PKP4: variants seen among roughly 807,000 people sequenced by gnomAD.
PKP4 encodes the protein plakophilin 4.
In PKP4, 90 loss-of-function variants were observed where a neutral mutation model predicts 145.1. That is an observed-to-expected ratio of 0.62 (90% confidence interval 0.52 to 0.74). PKP4 has a LOEUF of 0.74. Among genes scored for constraint, PKP4 ranks in the 30% least tolerant of loss-of-function variants. PKP4 has a pLI of 0.00. For synonymous variants in PKP4, 563 were observed against 577.2 expected (o/e 0.98, Z 0.35); for missense variants, 1,340 against 1,482.7 (o/e 0.90, Z 1.58).
intron 4 of PKP4, among the ~76,000 whole-genome samples, chr2:158,604,873 G>A (rs1420853211): frequency 6.6e-6 from 1 of 152,222 alleles, no homozygotes; most frequent in Non-Finnish European, 1.5e-5. Context: ...GTGGGCCAGA[G>A]TGCTGTGGAT....
At chr2:158,571,832 C>A (rs1405194217) in intron 2 of PKP4, among the ~76,000 whole-genome samples, 1 of 152,122 alleles carries the variant, frequency 6.6e-6, no homozygotes, top group East Asian at 1.9e-4. Flanking sequence ...GTTCAAGGGA[C>A]TGAGCCTTGA....
intron 1 of PKP4, among the ~76,000 whole-genome samples, chr2:158,518,120 G>A (rs567142784): frequency 6.5e-4 from 99 of 152,258 alleles, no homozygotes; most frequent in Middle Eastern, 3.4e-3. Context: ...AGGTTCTTCT[G>A]GTCTGGCCTA....
chr2:158,587,894 T>A (rs1355660306), intron 3 of PKP4, among the ~76,000 whole-genome samples: 1 of 151,732 alleles, frequency 6.6e-6, no homozygotes, highest in Non-Finnish European at 1.5e-5. Flanking sequence ...ACATATATAT[T>A]AACACCTGTG....
At chr2:158,560,235 T>C (rs967007434) in intron 2 of PKP4, among the ~76,000 whole-genome samples, 1 of 152,202 alleles carries the variant, frequency 6.6e-6, no homozygotes, top group Non-Finnish European at 1.5e-5. Flanking sequence ...TTGTAAGGGT[T>C]GTAAGAGTGC....
chr2:158,543,756 T>C (rs529138750), intron 2 of PKP4, among the ~76,000 whole-genome samples: 56 of 152,154 alleles, frequency 3.7e-4, no homozygotes, highest in Non-Finnish European at 7.4e-4. Context: ...AGTTTTCAAA[T>C]GTAATGCATT....
intron 1 of PKP4, among the ~76,000 whole-genome samples, chr2:158,496,968 G>A (rs545252218): frequency 4.6e-5 from 7 of 152,026 alleles, no homozygotes; most frequent in African/African-American, 1.7e-4. Flanking sequence ...AAAATTAATG[G>A]TCTGAAGTCC....
intron 7 of PKP4, among the ~76,000 whole-genome samples, chr2:158,627,650 A>AATATATAT (rs3836167): frequency 0.039 from 5,704 of 147,566 alleles, 255 homozygotes; most frequent in African/African-American, 0.11. Context: ...AAACTACAGA[A>AATATATAT]ATATATATAT....
rs1369490193 is a variant in PKP4, at chr2:158,666,397, T to G, written c.2578-16T>G. ...ACTCTGTTTTATGTTACTTCCTGCC[T>G]TATTTTTCTCACTAGTTTGCAGCAT... On this transcript the variant is annotated splice_polypyrimidine_tract_variant and intron_variant, in intron 15 of 21. Transcript: ENST00000389759. The G allele has an allele frequency of 1.9e-6, 3 of 1,568,438 alleles. No homozygotes were observed. Among genetic ancestry groups the G allele is most frequent in the Non-Finnish European group, 2.6e-6 (3 of 1,162,134 alleles).
At chr2:158,472,249 G>A (rs1329391048) in intron 1 of PKP4, among the ~76,000 whole-genome samples, 4 of 152,046 alleles carry the variant, frequency 2.6e-5, no homozygotes, top group Non-Finnish European at 4.4e-5. Context: ...CTTCAACATC[G>A]TGCTGTACAC....
intron 2 of PKP4, among the ~76,000 whole-genome samples, chr2:158,568,047 G>A (rs1389330580): frequency 2.0e-5 from 3 of 152,102 alleles, no homozygotes; most frequent in African/African-American, 7.2e-5. Context: ...GTTTAAACAG[G>A]TTTCTGGCTG....
chr2:158,611,751 C>T (rs1247281382), intron 4 of PKP4, among the ~76,000 whole-genome samples: 1 of 151,944 alleles, frequency 6.6e-6, no homozygotes, highest in Non-Finnish European at 1.5e-5. Flanking sequence ...TTTTGGATGC[C>T]GTCATTTATT....
At chr2:158,503,017 C>T (rs1696817993) in intron 1 of PKP4, among the ~76,000 whole-genome samples, 1 of 152,176 alleles carries the variant, frequency 6.6e-6, no homozygotes, top group Non-Finnish European at 1.5e-5. Context: ...CCTCTCTTAG[C>T]TTTGCTATCC....
chr2:158,639,878 G>A (rs2528635), intron 9 of PKP4, among the ~76,000 whole-genome samples: 72,578 of 151,942 alleles, frequency 0.48, 18,379 homozygotes, highest in East Asian at 0.78. Flanking sequence ...CTCAACTTCC[G>A]TTTCTCTAAG....
chr2:158,602,989 G>A (rs1574724916), intron 3 of PKP4, 81 bp from the exon 4 acceptor site: 2 of 715,046 alleles, frequency 2.8e-6, no homozygotes, highest in East Asian at 5.9e-5. Flanking sequence ...GAAATTAAAT[G>A]TTAATATGCA....
chr2:158,570,310 C>T (rs2047316120), intron 2 of PKP4, among the ~76,000 whole-genome samples: 1 of 152,126 alleles, frequency 6.6e-6, no homozygotes, highest in Admixed American at 6.5e-5. Context: ...AAAATAGTTT[C>T]CTAAACTTGG....
At chr2:158,623,386 T>G in intron 6 of PKP4, among the ~76,000 whole-genome samples, 1 of 152,162 alleles carries the variant, frequency 6.6e-6, no homozygotes, top group East Asian at 1.9e-4. Context: ...CCTCACTATG[T>G]TGCCCTGGCT....
Position 158,678,641 on chromosome 2 carries a change from A to G in PKP4, c.3317A>G (p.Asn1106Ser). 6.3e-7 allele frequency: 1 copy of G among 1,596,520 alleles called. No homozygotes were observed. The highest frequency in any genetic ancestry group is 1.7e-4 in the Middle Eastern group (1 of 5,918). ...SSYSSPAREQ[N>S]RRLQHQQLYY... ...TATTCCTCACCAGCAAGAGAACAAAATAGACGGCTACAGGTGAATTTGCAA... is the reference window on the plus strand; with the variant it reads ...TATTCCTCACCAGCAAGAGAACAAAGTAGACGGCTACAGGTGAATTTGCAA... Residue 1106 changes from asparagine (N) to serine (S), a missense_variant, in exon 21 of 22, where the codon AAT (asparagine) becomes AGT (serine). Physicochemically the swap from Asn to Ser is conservative, Grantham distance 46. Coordinates refer to ENST00000389759, the MANE Select transcript of PKP4 (RefSeq NM_003628.6).
At chr2:158,621,567 G>A (rs1030154170) in intron 6 of PKP4, 146 bp downstream of exon 6, 65 of 624,868 alleles carry the variant, frequency 1.0e-4, no homozygotes, top group Non-Finnish European at 1.7e-4. Flanking sequence ...CTAACATGGC[G>A]AAACCCCGTC....
intron 21 of PKP4, 30 bp from the exon 22 acceptor site, chr2:158,680,399 T>C (rs1240233228): frequency 6.5e-7 from 1 of 1,543,270 alleles, no homozygotes; most frequent in Non-Finnish European, 8.7e-7. Context: ...AAATTGCTTT[T>C]ATTTATTTGC....
Sources: gnomAD v4.1 joint callset for allele counts (sites outside exome capture counted in the v4.1 genomes callset) on GRCh38, gnomAD v4.1.1 for gene constraint, MANE v1.5 for transcripts, NCBI Gene and HGNC (gene_info 2026-07-23, HGNC 2026-07-21) for gene names.